Variants in MAML3 observed in about 807,000 individuals in gnomAD.
MAML3 encodes the protein mastermind-like protein 3.
Under a neutral mutation model 101.9 loss-of-function variants are expected in MAML3, and 27 were observed. That is an observed-to-expected ratio of 0.27 (90% CI 0.20 to 0.37). MAML3 has a LOEUF of 0.37. Among genes scored for constraint, MAML3 ranks in the 10% least tolerant of loss-of-function variants. The pLI is 1.00. For missense variants in MAML3, 1,316 were observed against 1,444.9 expected, an observed-to-expected ratio of 0.91 and a Z score of 1.45; for synonymous variants, 501 against 555.9, an observed-to-expected ratio of 0.90 and a Z score of 1.39.
intron 1 of MAML3, among the ~76,000 whole-genome samples, chr4:139,983,329 G>T (rs1371043297): frequency 6.6e-6 from 1 of 152,094 alleles, no homozygotes; most frequent in Non-Finnish European, 1.5e-5. Context: ...GCTTTTTATA[G>T]AATGTCATAA....
intron 2 of MAML3, among the ~76,000 whole-genome samples, chr4:139,739,679 G>GTTTCTTTTTTTTTTTTTTT (rs200037455): frequency 1.5e-5 from 2 of 132,356 alleles, no homozygotes; most frequent in African/African-American, 2.8e-5. Context: ...GAGGAAAGCA[G>GTTTCTTTTTTTTTTTTTTT]TTTTTTTTTT....
intron 1 of MAML3, among the ~76,000 whole-genome samples, chr4:139,896,590 C>T (rs899881171): frequency 1.7e-5 from 2 of 119,590 alleles, no homozygotes; most frequent in African/African-American, 8.0e-5. Context: ...GGCTTGATGG[C>T]TTGTTTCTGT....
At chr4:140,014,446 G>A (rs769050344) in intron 1 of MAML3, among the ~76,000 whole-genome samples, 6 of 152,182 alleles carry the variant, frequency 3.9e-5, no homozygotes, top group Non-Finnish European at 5.9e-5. Flanking sequence ...GAAAGGGACT[G>A]CTTAACTAAA....
chr4:139,951,934 C>T lies in MAML3; in HGVS notation c.469-60967G>A, dbSNP rs999533037. ...ATCCTAACACTTTGGGAGGCTGAAG[C>T]GGGCAGATCACTTGAGGTCAGGAGT... On this transcript the variant is annotated intron_variant, in intron 1 of 4. Transcript: ENST00000509479. 5.3e-5 allele frequency among the ~76,000 whole-genome samples: 8 copies of T among 152,146 alleles called. No individual in the cohort carries two copies. The East Asian group carries it at 1.2e-3, about 22-fold the overall frequency.
chr4:139,941,276 T>C (rs1733591203), intron 1 of MAML3, among the ~76,000 whole-genome samples: 1 of 152,250 alleles, frequency 6.6e-6, no homozygotes, highest in Non-Finnish European at 1.5e-5. Flanking sequence ...TAGCCTTAGT[T>C]ATATGTGTTT....
intron 2 of MAML3, among the ~76,000 whole-genome samples, chr4:139,749,963 A>G (rs1471893347): frequency 6.6e-6 from 1 of 151,310 alleles, no homozygotes; most frequent in Non-Finnish European, 1.5e-5. Context: ...AGAGATGGCA[A>G]GGAACAGCTA....
intron 1 of MAML3, among the ~76,000 whole-genome samples, chr4:140,058,061 CT>C (rs5862453): frequency 0.74 from 112,114 of 151,578 alleles, 41,704 homozygotes; most frequent in African/African-American, 0.81. Context: ...TTTAAAAATG[CT>C]TTTTTAAAAA....
At chr4:139,942,435 T>C (rs1733625802) in intron 1 of MAML3, among the ~76,000 whole-genome samples, 1 of 152,172 alleles carries the variant, frequency 6.6e-6, no homozygotes, top group African/African-American at 2.4e-5. Context: ...TTGTGATTAC[T>C]GCAGTAAGTT....
At chr4:139,942,485 T>A (rs1346424896) in intron 1 of MAML3, among the ~76,000 whole-genome samples, 2 of 152,212 alleles carry the variant, frequency 1.3e-5, no homozygotes, top group Non-Finnish European at 2.9e-5. Flanking sequence ...CCAGAGGAAC[T>A]GGAGCAGACA....
intron 2 of MAML3, among the ~76,000 whole-genome samples, chr4:139,850,100 T>A (rs754205671): frequency 1.3e-5 from 2 of 152,144 alleles, no homozygotes; most frequent in Non-Finnish European, 1.5e-5. Context: ...TTCAGTATAT[T>A]TCCCCCCCTA....
Position 139,889,818 on chromosome 4 carries a change from G to A in MAML3, c.1618C>T (p.Pro540Ser). 2 of 1,613,902 alleles carry A rather than the reference G, an allele frequency of 1.2e-6. No individual in the cohort carries two copies. Among genetic ancestry groups the A allele is most frequent in the African/African-American group, 2.7e-5 (2 of 74,996 alleles). ...TTAAAGGCTTGGGGGTACATCATTG[G>A]GCTATTTGGTTTTTCTGCAGTAAAA... ...AAFTAEKPNS[P>S]MMYPQAFNNQ... The change falls in exon 2 of 5, where the codon CCA (proline) becomes TCA (serine). Residue 540 changes from proline to serine, a missense_variant. Transcript: ENST00000509479.
At chr4:140,151,427 C>T (rs997920704) in intron 1 of MAML3, among the ~76,000 whole-genome samples, 21 of 151,894 alleles carry the variant, frequency 1.4e-4, no homozygotes, top group African/African-American at 5.1e-4. Flanking sequence ...GCCTCCCCTC[C>T]CCCAAGCCGA....
intron 1 of MAML3, among the ~76,000 whole-genome samples, chr4:139,996,639 T>C (rs1734820968): frequency 6.6e-6 from 1 of 152,072 alleles, no homozygotes; most frequent in Admixed American, 6.6e-5. Context: ...TATACTAATA[T>C]GTTTTGAGTC....
intron 1 of MAML3, among the ~76,000 whole-genome samples, chr4:140,129,521 T>C (rs1728747690): frequency 1.3e-5 from 2 of 152,218 alleles, no homozygotes; most frequent in African/African-American, 4.8e-5. Flanking sequence ...GCCTGCTTGA[T>C]AATTTCCCTT....
At chr4:140,016,001 C>T (rs1298594164) in intron 1 of MAML3, among the ~76,000 whole-genome samples, 1 of 151,948 alleles carries the variant, frequency 6.6e-6, no homozygotes, top group East Asian at 1.9e-4. Flanking sequence ...GGATTGGTTC[C>T]TGTTTATGAA....
At chr4:140,134,756 C>T (rs1415916080) in intron 1 of MAML3, among the ~76,000 whole-genome samples, 1 of 152,172 alleles carries the variant, frequency 6.6e-6, no homozygotes, top group African/African-American at 2.4e-5. Context: ...AAAAAGGTCC[C>T]ACAGAGACCA....
intron 2 of MAML3, among the ~76,000 whole-genome samples, chr4:139,865,489 T>G (rs1159648064): frequency 1.0e-5 from 1 of 100,444 alleles, no homozygotes; most frequent in Admixed American, 8.6e-5. Flanking sequence ...TAAAAGGTTT[T>G]TTTTTTGTTT....
At chr4:139,782,003 T>C (rs1332275231) in intron 2 of MAML3, among the ~76,000 whole-genome samples, 1 of 152,100 alleles carries the variant, frequency 6.6e-6, no homozygotes, top group Non-Finnish European at 1.5e-5. Context: ...AACTGTTCCA[T>C]GGAATGCAGC....
intron 1 of MAML3, among the ~76,000 whole-genome samples, chr4:140,035,934 C>T (rs1346185844): frequency 6.6e-6 from 1 of 152,194 alleles, no homozygotes; most frequent in Non-Finnish European, 1.5e-5. Flanking sequence ...TGATGTATTT[C>T]TTACTGGGGA....
Sources: allele counts gnomAD v4.1 joint callset (sites outside exome capture counted in the v4.1 genomes callset), GRCh38; gene constraint gnomAD v4.1.1; transcripts MANE v1.5; gene names NCBI Gene and HGNC (gene_info 2026-07-23, HGNC 2026-07-21).